EFL1: variants seen among roughly 807,000 people sequenced by gnomAD.
EFL1 encodes the protein elongation factor-like GTPase 1.
Under a neutral mutation model 126.7 loss-of-function variants are expected in EFL1, and 76 were observed. That is an observed-to-expected ratio of 0.60 (90% CI 0.50 to 0.73). The LOEUF (loss-of-function observed/expected upper bound fraction) is 0.73. Ranked by LOEUF, EFL1 falls within the 30% of genes least tolerant of loss-of-function variation. EFL1 has a pLI of 0.00. For synonymous variants in EFL1, 410 were observed against 448.4 expected, an observed-to-expected ratio of 0.91 and a Z score of 1.08; for missense variants, 1,128 against 1,343.2, an observed-to-expected ratio of 0.84 and a Z score of 2.50.
At position 82,220,093 on chromosome 15, in the gene EFL1, C is replaced by G; in HGVS notation, c.1429G>C (p.Gly477Arg). 1 of 1,609,698 alleles carries G rather than the reference C, an allele frequency of 6.2e-7. No homozygotes were observed. Among genetic ancestry groups the G allele is most frequent in the Admixed American group, 1.7e-5 (1 of 58,828 alleles). The change falls in exon 13 of 20, where the codon GGA (glycine) becomes CGA (arginine). Residue 477 changes from glycine (G) to arginine (R), a missense_variant. Gly to Arg is a moderately radical substitution (Grantham distance 125). This residue lies in a region of EFL1 where 120 missense variants were observed against 142.1 expected (regional missense o/e 0.84). Transcript: ENST00000268206. The part of the protein sequence containing the change: ...DGSAIETCPK[G>R]EEPRGDEQQV... ...AAAGCTATACCTCTTGGCTCCTCTC[C>G]TTTTGGACATGTTTCAATGGCACTC...
chr15:82,186,821 CTT>C (rs1170757523), intron 15 of EFL1, among the ~76,000 whole-genome samples: 1 of 152,104 alleles, frequency 6.6e-6, no homozygotes, highest in Non-Finnish European at 1.5e-5. Context: ...CTTCACAGTA[CTT>C]GAGTCCTCTT....
chr15:82,198,134 T>C lies in EFL1; in HGVS notation c.1750+16583A>G, dbSNP rs561444750. Among the ~76,000 whole-genome samples the C allele has an allele frequency of 1.8e-4, 27 of 152,312 alleles. No individual in the cohort carries two copies. In the South Asian group the frequency reaches 4.4e-3, roughly 25 times the overall value. On this transcript the variant is annotated intron_variant, in intron 15 of 19. Transcript: ENST00000268206. ...GCACAGGCTCATGCATGCGCTGACA[T>C]TGAAATTGCACTCTGTTTCTCTGTG...
chr15:82,200,608 G>A (rs1355264939), intron 15 of EFL1, among the ~76,000 whole-genome samples: 1 of 152,178 alleles, frequency 6.6e-6, no homozygotes, highest in Admixed American at 6.5e-5. Flanking sequence ...ACATACCTGG[G>A]AGCCTCCCAG....
intron 16 of EFL1, among the ~76,000 whole-genome samples, chr15:82,163,439 G>C (rs1185306991): frequency 1.3e-5 from 2 of 152,324 alleles, no homozygotes; most frequent in Non-Finnish European, 2.9e-5. Flanking sequence ...TATTCAGGAG[G>C]CTGAGGCAGG....
At chr15:82,189,730 T>A (rs1959208029) in intron 15 of EFL1, among the ~76,000 whole-genome samples, 1 of 152,188 alleles carries the variant, frequency 6.6e-6, no homozygotes. Context: ...CTTCCCAGTA[T>A]AAACACACAC....
chr15:82,155,407 CAGG>C (rs2073957228), intron 17 of EFL1, among the ~76,000 whole-genome samples: 1 of 152,062 alleles, frequency 6.6e-6, no homozygotes. Flanking sequence ...GAGGCCGAGG[CAGG>C]AGAATTGCCT....
chr15:82,212,926 C>T (rs534445164), intron 15 of EFL1, among the ~76,000 whole-genome samples: 1 of 152,314 alleles, frequency 6.6e-6, no homozygotes, highest in South Asian at 2.1e-4. Context: ...GTGCTCTCTT[C>T]CTGCGAGGAA....
chr15:82,224,328 G>C (rs1427137704), intron 12 of EFL1, among the ~76,000 whole-genome samples: 2 of 152,082 alleles, frequency 1.3e-5, no homozygotes, highest in Admixed American at 1.3e-4. Context: ...TCATGGTAAA[G>C]GCTTTATCAC....
At chr15:82,173,648 T>C (rs1851224828) in intron 15 of EFL1, among the ~76,000 whole-genome samples, 2 of 152,214 alleles carry the variant, frequency 1.3e-5, no homozygotes, top group African/African-American at 2.4e-5. Context: ...TAAAAAAGTA[T>C]ATCTTTCCTC....
chr15:82,246,723 A>G (rs561458848), intron 4 of EFL1, among the ~76,000 whole-genome samples: 1 of 152,250 alleles, frequency 6.6e-6, no homozygotes, highest in South Asian at 2.1e-4. Context: ...AAAAATGCCC[A>G]TACCATTACG....
chr15:82,232,817 G>A (rs2074835593), intron 7 of EFL1, among the ~76,000 whole-genome samples: 1 of 151,648 alleles, frequency 6.6e-6, no homozygotes, highest in East Asian at 1.9e-4. Flanking sequence ...TCCTTAGTAG[G>A]GGATTTCATA....
chr15:82,167,786 T>C (rs888869387), intron 15 of EFL1, among the ~76,000 whole-genome samples: 6 of 152,242 alleles, frequency 3.9e-5, no homozygotes, highest in African/African-American at 1.2e-4. Flanking sequence ...TTCATTGTAC[T>C]GTTACAATTT....
In EFL1 at chr15:82,261,816, T is replaced by C. The variant is rs772361126; in HGVS notation, c.-19-19A>G. ...CCTGTGACTAAAAATTAAATATGTA[T>C]TACAAATGGCCCAGAGGCTAAAGGT... On this transcript the variant is annotated intron_variant, in intron 1 of 19. Transcript: ENST00000268206. 4 of 1,589,566 alleles carry C rather than the reference T, an allele frequency of 2.5e-6. No individual in the cohort carries two copies. Among genetic ancestry groups the C allele is most frequent in the Non-Finnish European group, 3.4e-6 (4 of 1,161,290 alleles).
chr15:82,190,916 G>T (rs2074352682), intron 15 of EFL1, among the ~76,000 whole-genome samples: 2 of 151,812 alleles, frequency 1.3e-5, no homozygotes, highest in South Asian at 4.2e-4. Context: ...TAGATCACAA[G>T]TACAGCCTCA....
chr15:82,227,419 G>A, intron 11 of EFL1, 31 bp downstream of exon 11: 1 of 1,613,848 alleles, frequency 6.2e-7, no homozygotes, highest in Middle Eastern at 1.7e-4. Context: ...TCAATGACAT[G>A]GTATATTCCA....
chr15:82,254,961 A>G (rs1356984661), intron 3 of EFL1, among the ~76,000 whole-genome samples: 4 of 152,138 alleles, frequency 2.6e-5, no homozygotes, highest in Non-Finnish European at 5.9e-5. Context: ...GTACTGATGG[A>G]CATGGAGACT....
intron 4 of EFL1, among the ~76,000 whole-genome samples, chr15:82,250,987 G>A (rs1180186940): frequency 6.6e-6 from 1 of 152,050 alleles, no homozygotes; most frequent in Non-Finnish European, 1.5e-5. Context: ...CGAGGCGGGC[G>A]GATCACCTGC....
chr15:82,230,237 T>C (rs1159871581), intron 8 of EFL1, among the ~76,000 whole-genome samples: 4 of 152,190 alleles, frequency 2.6e-5, no homozygotes, highest in African/African-American at 4.8e-5. Flanking sequence ...TGTGGCTTTA[T>C]ACTTGTGAAT....
chr15:82,213,108 G>T lies in EFL1; in HGVS notation c.1750+1609C>A, dbSNP rs576339032. Among the ~76,000 whole-genome samples, 81 of 152,260 alleles carry T rather than the reference G, an allele frequency of 5.3e-4. 1 individual carries two copies. The highest frequency in any genetic ancestry group is 1.8e-3 in the African/African-American group (76 of 41,544). On this transcript the variant is annotated intron_variant, in intron 15 of 19. Coordinates refer to ENST00000268206, the MANE Select transcript of EFL1 (RefSeq NM_024580.6). The stretch of plus-strand genomic sequence containing the variant: ...TTAAGACTATGCAGTTGGTTTTCTG[G>T]TTACTTGCAGCTAAATACAATCTTA...
Sources: allele counts gnomAD v4.1 joint callset (sites outside exome capture counted in the v4.1 genomes callset), GRCh38; gene constraint gnomAD v4.1.1; regional missense constraint gnomAD v4.1.1; transcripts MANE v1.5; gene names NCBI Gene and HGNC (gene_info 2026-07-23, HGNC 2026-07-21).